ANKMY1: variants seen among roughly 807,000 people sequenced by gnomAD.
ANKMY1 encodes the protein ankyrin repeat and MYND domain-containing protein 1.
A neutral mutation model predicts 102.0 loss-of-function variants in ANKMY1; 98 were observed. That is an observed-to-expected ratio of 0.96 (90% CI 0.82 to 1.14). The LOEUF is 1.14. Among genes scored for constraint, ANKMY1 ranks in the 50% most tolerant of loss-of-function variants. ANKMY1 has a pLI of 0.00. For synonymous variants in ANKMY1, 582 were observed against 559.9 expected, an observed-to-expected ratio of 1.04 and a Z score of -0.56; for missense variants, 1,330 against 1,347.6, an observed-to-expected ratio of 0.99 and a Z score of 0.20.
chr2:240,542,851 A>T (rs1351342565), intron 4 of ANKMY1, among the ~76,000 whole-genome samples: 1 of 150,366 alleles, frequency 6.7e-6, no homozygotes, highest in Non-Finnish European at 1.5e-5. Flanking sequence ...AAATTAAGGT[A>T]AATTTATGAA....
chr2:240,511,940 TA>T lies in ANKMY1; in HGVS notation c.2206del (p.Tyr736ThrfsTer32). ...SNEPGPPQAYYSTDTALPEEG... is the reference protein window; with the variant it reads ...SNEPGPPQAYXSTDTALPEEG... ...CTCCGGGAGGGCTGTGTCCGTGCTG[TA>T]GTAGGCTTGGGGAGGGCCTGGCTCA... On this transcript the variant is annotated frameshift_variant, in exon 11 of 18. Coordinates refer to ENST00000401804, the MANE Select transcript of ANKMY1 (RefSeq NM_001282771.3). LOFTEE classifies it high-confidence loss of function. 6.4e-7 allele frequency: 1 copy of T among 1,572,574 alleles called. No individual in the cohort carries two copies. Among genetic ancestry groups the T allele is most frequent in the Non-Finnish European group, 8.6e-7 (1 of 1,166,886 alleles).
chr2:240,540,135 T>C (rs540927114), intron 4 of ANKMY1, among the ~76,000 whole-genome samples: 3 of 152,374 alleles, frequency 2.0e-5, no homozygotes, highest in Non-Finnish European at 4.4e-5. Context: ...TTTAACCAAC[T>C]GTAAATTACA....
chr2:240,515,377 A>C (rs1039109377), intron 9 of ANKMY1, among the ~76,000 whole-genome samples: 2 of 152,104 alleles, frequency 1.3e-5, no homozygotes, highest in African/African-American at 2.4e-5. Context: ...TCTACTAAAA[A>C]TACAAAAATT....
intron 7 of ANKMY1, among the ~76,000 whole-genome samples, chr2:240,525,301 T>C (rs1304418866): frequency 2.0e-5 from 3 of 152,364 alleles, no homozygotes; most frequent in East Asian, 3.9e-4. Context: ...GCAGCAGGAC[T>C]GAGACCGAAC....
chr2:240,516,005 A>G lies in ANKMY1; in HGVS notation c.2005-3063T>C, dbSNP rs980152690. Among the ~76,000 whole-genome samples, 10 of 152,062 alleles carry G rather than the reference A, an allele frequency of 6.6e-5. No homozygotes were observed. In the South Asian group the frequency reaches 1.5e-3, roughly 22 times the overall value. On this transcript the variant is annotated intron_variant, in intron 9 of 17. Coordinates refer to ENST00000401804, the MANE Select transcript of ANKMY1 (RefSeq NM_001282771.3). ...TCCCAAAGTGCTGGGATTACAGGCA[A>G]TAATAAAATATTTTTGTTTCCCTTT...
At chr2:240,554,649 C>T in intron 3 of ANKMY1, 5 of 564,342 alleles carry the variant, frequency 8.9e-6, no homozygotes, top group Non-Finnish European at 1.6e-5. Context: ...GTCACAGCTT[C>T]CCAAACCTCA....
Position 240,511,940 on chromosome 2 carries a change from T to C in ANKMY1, c.2207A>G (p.Tyr736Cys), listed in dbSNP as rs2080274534. Residue 736 changes from tyrosine (Y) to cysteine (C), a missense_variant, in exon 11 of 18, where the codon TAC becomes TGC. Transcript: ENST00000401804. The stretch of plus-strand genomic sequence containing the variant: ...CTCCGGGAGGGCTGTGTCCGTGCTG[T>C]AGTAGGCTTGGGGAGGGCCTGGCTC... ...SNEPGPPQAYYSTDTALPEEG... is the reference protein window; with the variant it reads ...SNEPGPPQAYCSTDTALPEEG... The C allele has an allele frequency of 6.4e-7, 1 of 1,572,574 alleles. No individual in the cohort carries two copies. The highest frequency in any genetic ancestry group is 8.6e-7 in the Non-Finnish European group (1 of 1,166,886).
intron 9 of ANKMY1, among the ~76,000 whole-genome samples, chr2:240,516,253 A>C (rs1029181842): frequency 1.3e-5 from 2 of 151,522 alleles, no homozygotes; most frequent in Non-Finnish European, 2.9e-5. Flanking sequence ...TTAACCTTTG[A>C]TATATGACAA....
chr2:240,498,494 G>A (rs1229896220), intron 15 of ANKMY1, among the ~76,000 whole-genome samples: 4 of 77,698 alleles, frequency 5.1e-5, no homozygotes, highest in African/African-American at 1.5e-4. Flanking sequence ...GAGCTGAGGG[G>A]GGTGTGCGGG....
the ANKMY1 span, among the ~76,000 whole-genome samples, chr2:240,470,603 G>C: frequency 6.6e-6 from 1 of 151,994 alleles, no homozygotes; most frequent in Non-Finnish European, 1.5e-5. Context: ...CTCAATCTGG[G>C]AAAGCACAAA....
At chr2:240,509,000 G>A (rs965814904) in intron 12 of ANKMY1, among the ~76,000 whole-genome samples, 3 of 152,234 alleles carry the variant, frequency 2.0e-5, no homozygotes, top group Admixed American at 6.5e-5. Context: ...ATGGATGGAT[G>A]AGAGGATGAA....
chr2:240,538,120 C>T (rs566566472), intron 4 of ANKMY1, among the ~76,000 whole-genome samples: 3 of 152,224 alleles, frequency 2.0e-5, no homozygotes, highest in African/African-American at 7.2e-5. Context: ...GAGGTGACAA[C>T]GTGCTAGCAG....
At chr2:240,470,839 T>C in the ANKMY1 span, among the ~76,000 whole-genome samples, 1 of 152,204 alleles carries the variant, frequency 6.6e-6, no homozygotes, top group Non-Finnish European at 1.5e-5. Context: ...AGTTAATACC[T>C]ATCTGAGGTC....
intron 4 of ANKMY1, among the ~76,000 whole-genome samples, chr2:240,539,198 C>T (rs2087875670): frequency 6.6e-6 from 1 of 152,226 alleles, no homozygotes; most frequent in African/African-American, 2.4e-5. Context: ...TGGGTCCGCA[C>T]TGCGTTTATG....
chr2:240,481,239 TTC>T lies in ANKMY1; in HGVS notation c.2886-144_2886-143del. The T allele has an allele frequency of 2.9e-6, 3 of 1,046,370 alleles. 1 individual carries two copies. In the South Asian group the frequency reaches 5.8e-5, roughly 20 times the overall value. The allele number at this position is 1,046,370 out of a possible 1,614,324, so 64.8% of individuals were successfully genotyped here. A position where few individuals can be genotyped will look rare whatever the true frequency, so the allele number is the denominator to read the frequency against. On this transcript the variant is annotated intron_variant, in intron 16 of 17. Transcript: ENST00000401804. ...GCACTGTCCCCTGCATTGGGCAGCC[TTC>T]ACACACAGACAAAAACCCCCAAGTC...
chr2:240,493,568 G>C (rs1477182828), intron 15 of ANKMY1, among the ~76,000 whole-genome samples: 1 of 151,706 alleles, frequency 6.6e-6, no homozygotes, highest in Non-Finnish European at 1.5e-5. Flanking sequence ...CAGTAGTGTA[G>C]TCTCTGTGTG....
At chr2:240,516,555 G>A (rs1264465283) in intron 9 of ANKMY1, among the ~76,000 whole-genome samples, 1 of 152,174 alleles carries the variant, frequency 6.6e-6, no homozygotes, top group Non-Finnish European at 1.5e-5. Flanking sequence ...GTTGTTGTCT[G>A]ACACAGAAAT....
rs1051082333 is a variant in ANKMY1 at position 240,506,767 on chromosome 2, C to A, written c.2526+793G>T. On this transcript the variant is annotated intron_variant, in intron 13 of 17. Coordinates refer to ENST00000401804, the MANE Select transcript of ANKMY1 (RefSeq NM_001282771.3). The surrounding 1 kb of genome is among the most constrained non-coding windows in gnomAD (Gnocchi z 4.9). ...GTGCCCACAGCGGACACAGGAAGGG[C>A]TGGCATGGGCGGAGGGCAGCAGGCA... is the stretch of plus-strand genomic sequence containing the variant. Among the ~76,000 whole-genome samples the A allele has an allele frequency of 6.6e-6, 1 of 152,116 alleles. No homozygotes were observed. Among genetic ancestry groups the A allele is most frequent in the Non-Finnish European group, 1.5e-5 (1 of 68,018 alleles).
At chr2:240,505,435 C>T (rs2078912230) in intron 13 of ANKMY1, among the ~76,000 whole-genome samples, 1 of 151,616 alleles carries the variant, frequency 6.6e-6, no homozygotes, top group Non-Finnish European at 1.5e-5. Context: ...GCACTCCAGC[C>T]TGGGTAACAG....
Sources: allele counts gnomAD v4.1 joint callset (sites outside exome capture counted in the v4.1 genomes callset), GRCh38; gene constraint gnomAD v4.1.1; non-coding constraint Gnocchi (gnomAD v3.1); transcripts MANE v1.5; gene names NCBI Gene and HGNC (gene_info 2026-07-23, HGNC 2026-07-21).